Variants in FBXW11 observed in about 807,000 individuals in gnomAD.
FBXW11 encodes F-box/WD repeat-containing protein 11.
A neutral mutation model predicts 77.6 loss-of-function variants in FBXW11; 19 were observed. The ratio of observed to expected loss-of-function variants is 0.24; its 90% CI spans 0.17 to 0.36. FBXW11 has a LOEUF of 0.36. FBXW11 is among the 10% of genes least tolerant of loss of function. The pLI, the probability that FBXW11 is intolerant of heterozygous loss-of-function variation, is 1.00. For synonymous variants in FBXW11, 235 were observed against 249.4 expected, an observed-to-expected ratio of 0.94 and a Z score of 0.54; for missense variants, 334 against 704.2, an observed-to-expected ratio of 0.47 and a Z score of 5.95.
intron 1 of FBXW11, among the ~76,000 whole-genome samples, chr5:171,963,934 A>C (rs914716508): frequency 2.0e-5 from 3 of 152,186 alleles, no homozygotes; most frequent in African/African-American, 7.2e-5. Context: ...TAAAGACCAG[A>C]GTGTTCTGAA....
At chr5:171,942,406 T>C (rs1050103621) in intron 2 of FBXW11, among the ~76,000 whole-genome samples, 2 of 152,228 alleles carry the variant, frequency 1.3e-5, no homozygotes, top group African/African-American at 4.8e-5. Flanking sequence ...TTGACACTTC[T>C]GAAGATTACA....
intron 2 of FBXW11, among the ~76,000 whole-genome samples, chr5:171,930,239 A>G (rs1371619890): frequency 6.6e-6 from 1 of 152,238 alleles, no homozygotes; most frequent in African/African-American, 2.4e-5. Context: ...AGGAGAAAGG[A>G]GTGTACAAAC....
At chr5:171,910,474 C>T in intron 4 of FBXW11, 98 bp downstream of exon 4, 1 of 718,132 alleles carries the variant, frequency 1.4e-6, no homozygotes, top group Non-Finnish European at 2.3e-6. Flanking sequence ...AATGCTGCCT[C>T]ACACAGTACT....
At position 171,967,839 on chromosome 5, in the gene FBXW11, CA is replaced by C. The variant is rs1264192715; in HGVS notation, c.46-10142del. Among the ~76,000 whole-genome samples the C allele has an allele frequency of 1.2e-3, 115 of 98,968 alleles. 1 individual carries two copies. The highest frequency in any genetic ancestry group is 1.8e-3 in the East Asian group (7 of 3,816). 64.9% of individuals were successfully genotyped at this position (98,968 alleles called of 152,430 possible). Reference sequence around the variant, plus strand: ...GGGCAACAAGAGCGAGACTCTGTCTCAAAAAAAAAAAAATGCATATATATAT... The same window carrying C: ...GGGCAACAAGAGCGAGACTCTGTCTCAAAAAAAAAAAATGCATATATATAT... On this transcript the variant is annotated intron_variant, in intron 1 of 13. Transcript: ENST00000517395.
rs1243318960 is a variant in FBXW11 at position 171,876,616 on chromosome 5, T to C, written c.972-82A>G. 7.2e-6 allele frequency: 11 copies of C among 1,528,672 alleles called. No homozygotes were observed. In the Admixed American group the frequency reaches 8.7e-5, roughly 12 times the overall value. 94.7% of individuals were successfully genotyped at this position (1,528,672 alleles called of 1,614,324 possible). A position where few individuals can be genotyped will look rare whatever the true frequency, so the allele number is the denominator to read the frequency against. ...CTGGTATCTGAGCTCTGTCTGGGTC[T>C]GCAATGGTTTGGATATAGTTTGTCT... On this transcript the variant is annotated intron_variant, in intron 8 of 13. Coordinates refer to ENST00000517395, the MANE Select transcript of FBXW11 (RefSeq NM_001378974.1). This position sits in a 1 kb window ranked among gnomAD's most constrained non-coding sequence, Gnocchi z 4.2.
intron 7 of FBXW11, among the ~76,000 whole-genome samples, chr5:171,890,431 G>T (rs894710505): frequency 2.7e-5 from 4 of 148,404 alleles, no homozygotes; most frequent in African/African-American, 9.9e-5. Flanking sequence ...GCTGAGGTAG[G>T]ACGGCAGGAG....
At position 172,006,599 on chromosome 5, in the gene FBXW11, T is replaced by C. The variant is rs1766797233; in HGVS notation, c.-97A>G. The C allele has an allele frequency of 1.5e-6, 2 of 1,366,026 alleles. No individual in the cohort carries two copies. Among genetic ancestry groups the C allele is most frequent in the Middle Eastern group, 2.3e-4 (1 of 4,330 alleles). 84.6% of individuals were successfully genotyped at this position (1,366,026 alleles called of 1,614,324 possible). A position where few individuals can be genotyped will look rare whatever the true frequency, so the allele number is the denominator to read the frequency against. On this transcript the variant is annotated 5_prime_UTR_variant, in exon 1 of 14. Coordinates refer to ENST00000517395, the MANE Select transcript of FBXW11 (RefSeq NM_001378974.1). The stretch of plus-strand genomic sequence containing the variant: ...GAGGCGGCAGAGGCGGAGGCGGCTA[T>C]CGCACCCACTCTAGCTGCCAGCCCG...
At chr5:171,890,602 C>T (rs138308432) in intron 7 of FBXW11, among the ~76,000 whole-genome samples, 38 of 152,166 alleles carry the variant, frequency 2.5e-4, no homozygotes, top group African/African-American at 8.7e-4. Context: ...ACCATATGAG[C>T]CAGTAACCCC....
chr5:171,935,825 T>C (rs1012818019), intron 2 of FBXW11, among the ~76,000 whole-genome samples: 1 of 152,022 alleles, frequency 6.6e-6, no homozygotes, highest in Non-Finnish European at 1.5e-5. Flanking sequence ...AATAAACAAG[T>C]CTGAGCCAGG....
chr5:171,973,003 G>C (rs1019903142), intron 1 of FBXW11, among the ~76,000 whole-genome samples: 8 of 152,172 alleles, frequency 5.3e-5, no homozygotes, highest in African/African-American at 1.9e-4. Flanking sequence ...GAACGCATAT[G>C]CACAGAAGTA....
At chr5:171,870,986 C>T (rs1757720292) in intron 10 of FBXW11, 128 bp from the exon 11 acceptor site, 1 of 628,378 alleles carries the variant, frequency 1.6e-6, no homozygotes, top group South Asian at 2.0e-5. Context: ...TTCTATCTCA[C>T]TTCCAGTACA....
chr5:171,898,115 G>T (rs1287782678), intron 6 of FBXW11, among the ~76,000 whole-genome samples: 1 of 152,196 alleles, frequency 6.6e-6, no homozygotes, highest in Non-Finnish European at 1.5e-5. Flanking sequence ...TTAATGGAAT[G>T]ATTCCATTAT....
At chr5:171,996,922 TCCAGAATGAATGG>T in intron 1 of FBXW11, 1 of 1,289,630 alleles carries the variant, frequency 7.8e-7, no homozygotes, top group Non-Finnish European at 1.0e-6. Flanking sequence ...GATCCACCAA[TCCAGAATGAATGG>T]GGGTTTTCCC....
At chr5:171,953,682 C>A (rs1763468898) in intron 2 of FBXW11, among the ~76,000 whole-genome samples, 1 of 151,884 alleles carries the variant, frequency 6.6e-6, no homozygotes, top group Admixed American at 6.6e-5. Context: ...TCATAAAAAC[C>A]CTTTATGATT....
intron 2 of FBXW11, among the ~76,000 whole-genome samples, chr5:171,955,389 C>A (rs1034410643): frequency 3.3e-5 from 5 of 152,112 alleles, no homozygotes; most frequent in Admixed American, 3.3e-4. Context: ...CTCAGGCCTG[C>A]TCTAATATGA....
rs76259751 is a variant in FBXW11, at chr5:171,913,475, T to C, written c.210+868A>G. 2.7e-4 allele frequency among the ~76,000 whole-genome samples: 41 copies of C among 152,318 alleles called. No homozygotes were observed. In the East Asian group the frequency reaches 7.5e-3, roughly 28 times the overall value. ...ACAAAACTCAGTCTGTACACAGTGT[T>C]AAGAAGAAAATAACAGCATGTGCAC... On this transcript the variant is annotated intron_variant, in intron 3 of 13. Transcript: ENST00000517395.
chr5:171,969,157 G>C (rs1764386476), intron 1 of FBXW11, among the ~76,000 whole-genome samples: 1 of 152,106 alleles, frequency 6.6e-6, no homozygotes, highest in Non-Finnish European at 1.5e-5. Context: ...AACCCCAGGT[G>C]CTCAGGAGTC....
At chr5:171,929,512 T>C (rs994965235) in intron 2 of FBXW11, among the ~76,000 whole-genome samples, 2 of 152,126 alleles carry the variant, frequency 1.3e-5, no homozygotes, top group South Asian at 2.1e-4. Flanking sequence ...AGAATGTAGA[T>C]GGTATGACTG....
chr5:171,948,516 T>C (rs1406099019), intron 2 of FBXW11, among the ~76,000 whole-genome samples: 1 of 151,932 alleles, frequency 6.6e-6, no homozygotes, highest in Non-Finnish European at 1.5e-5. Flanking sequence ...GGCAGGAAGA[T>C]CACTTGAGCC....
Sources: gnomAD v4.1 joint callset for allele counts (sites outside exome capture counted in the v4.1 genomes callset) on GRCh38, gnomAD v4.1.1 for gene constraint, Gnocchi (gnomAD v3.1) non-coding constraint, MANE v1.5 for transcripts, NCBI Gene and HGNC (gene_info 2026-07-23, HGNC 2026-07-21) for gene names.